PLCG2: variants seen among roughly 807,000 people sequenced by gnomAD.
The protein encoded by PLCG2 is phospholipase C gamma 2, also known as 1-phosphatidylinositol 4,5-bisphosphate phosphodiesterase gamma-2.
PLCG2 carries 69 observed loss-of-function variants against 175.6 expected under a neutral mutation model. The observed-to-expected ratio is 0.39, with a 90% CI of 0.32 to 0.48. The LOEUF is 0.48. Among genes scored for constraint, PLCG2 ranks in the 20% least tolerant of loss-of-function variants. The pLI is 0.91. For missense variants in PLCG2, 1,798 were observed against 1,650.9 expected (o/e 1.09, Z -1.54); for synonymous variants, 827 against 624.0 (o/e 1.33, Z -4.85).
At chr16:81,891,444 A>G (rs376880548) in intron 10 of PLCG2, 28 bp from the exon 11 acceptor site, 1 of 1,221,774 alleles carries the variant, frequency 8.2e-7, no homozygotes, top group Non-Finnish European at 1.2e-6. Flanking sequence ...CAACGTGATG[A>G]TTCGGTCTTC....
intron 1 of PLCG2, among the ~76,000 whole-genome samples, chr16:81,749,638 G>A (rs1056275017): frequency 1.3e-5 from 2 of 152,240 alleles, no homozygotes; most frequent in African/African-American, 2.4e-5. Flanking sequence ...ACAGGCGTGA[G>A]CCACTGTGCC....
chr16:81,856,935 C>G (rs1234653285), intron 3 of PLCG2, among the ~76,000 whole-genome samples: 2 of 152,128 alleles, frequency 1.3e-5, no homozygotes, highest in African/African-American at 2.4e-5. Flanking sequence ...AGGCCATGAG[C>G]TAAGGAATGT....
chr16:81,794,892 C>A (rs902786215), intron 2 of PLCG2, among the ~76,000 whole-genome samples: 2 of 152,210 alleles, frequency 1.3e-5, no homozygotes, highest in Admixed American at 6.5e-5. Context: ...GTGTCCTCCA[C>A]TTTGGAGCAT....
chr16:81,888,797 A>G (rs759970179), intron 9 of PLCG2, among the ~76,000 whole-genome samples: 1 of 152,236 alleles, frequency 6.6e-6, no homozygotes, highest in Non-Finnish European at 1.5e-5. Context: ...CTGGCAAACC[A>G]TGACCTATGG....
At chr16:81,892,546 T>C (rs1376199314) in intron 11 of PLCG2, among the ~76,000 whole-genome samples, 3 of 152,094 alleles carry the variant, frequency 2.0e-5, no homozygotes, top group East Asian at 1.9e-4. Context: ...CAGGGGGAAA[T>C]TGATTTCACA....
At chr16:81,950,498 C>A (rs965846532) in intron 31 of PLCG2, among the ~76,000 whole-genome samples, 1 of 152,082 alleles carries the variant, frequency 6.6e-6, no homozygotes, top group Non-Finnish European at 1.5e-5. Flanking sequence ...TATAAGAAAT[C>A]AGCAAAGACA....
rs1157472814 is a variant in PLCG2 at position 81,889,231 on chromosome 16, C to A, written c.825C>A (p.Asp275Glu). The A allele has an allele frequency of 6.2e-7, 1 of 1,606,706 alleles. No individual in the cohort carries two copies. The highest frequency in any genetic ancestry group is 8.5e-7 in the Non-Finnish European group (1 of 1,176,658). ...AGCGGATGACAAAGTTCATTGATGA[C>A]ACCATGCGTGAAACTGCTGAGCCTT... ...VRERMTKFID[D>E]TMRETAEPFL... Residue 275 changes from aspartate (D) to glutamate (E), a missense_variant, in exon 10 of 33, where the codon GAC becomes GAA. By Grantham distance (45) the Asp-to-Glu change is conservative (BLOSUM62 2). Coordinates refer to ENST00000564138, the MANE Select transcript of PLCG2 (RefSeq NM_002661.5).
intron 2 of PLCG2, among the ~76,000 whole-genome samples, chr16:81,805,761 TGTTTTGTTTTTTTTTTTTTTTG>T (rs1911980322): frequency 1.1e-5 from 1 of 94,408 alleles, no homozygotes; most frequent in African/African-American, 3.7e-5. Context: ...AGTAGTGTTT[TGTTTTGTTTTTTTTTTTTTTTG>T]TTTTTTTTTT....
intron 2 of PLCG2, among the ~76,000 whole-genome samples, chr16:81,787,644 A>G (rs1338184660): frequency 6.6e-6 from 1 of 151,702 alleles, no homozygotes; most frequent in East Asian, 1.9e-4. Flanking sequence ...GTATATTTAT[A>G]TAAATGTGCA....
Position 81,910,550 on chromosome 16 carries a change from C to G in PLCG2, c.1764C>G (p.Ile588Met). The change falls in exon 18 of 33, where the codon ATC becomes ATG. Residue 588 changes from isoleucine (I) to methionine (M), a missense_variant. Physicochemically the swap from Ile to Met is conservative, Grantham distance 10 (BLOSUM62 1). Coordinates refer to ENST00000564138, the MANE Select transcript of PLCG2 (RefSeq NM_002661.5). Reference sequence around the variant, plus strand: ...CAGGCCGGGTCCAGCACTGCCGGATCCGCTCCACCATGGAGGGCGGGACCC... The same window carrying G: ...CAGGCCGGGTCCAGCACTGCCGGATGCGCTCCACCATGGAGGGCGGGACCC... ...WRSGRVQHCRIRSTMEGGTLK... is the reference protein window; with the variant it reads ...WRSGRVQHCRMRSTMEGGTLK... 6.2e-7 allele frequency: 1 copy of G among 1,614,116 alleles called. No individual in the cohort carries two copies. The highest frequency in any genetic ancestry group is 8.5e-7 in the Non-Finnish European group (1 of 1,180,000).
At chr16:81,850,871 A>T (rs1906372412) in intron 2 of PLCG2, among the ~76,000 whole-genome samples, 1 of 152,210 alleles carries the variant, frequency 6.6e-6, no homozygotes, top group African/African-American at 2.4e-5. Flanking sequence ...CATGCGGGCA[A>T]TAGGGTTAAC....
At chr16:81,760,685 A>C (rs1384748760) in intron 2 of PLCG2, among the ~76,000 whole-genome samples, 1 of 150,490 alleles carries the variant, frequency 6.6e-6, no homozygotes, top group Admixed American at 6.6e-5. Flanking sequence ...TCAAGGTGGG[A>C]GGATCACTTG....
rs777145741 is a variant in PLCG2 at position 81,869,350 on chromosome 16, C to T, written c.564+52C>T. The stretch of plus-strand genomic sequence containing the variant: ...TTTTATGAATGCGGAGTGACTTAGC[C>T]TCTCTCATGAAGCCGTGGCTTGCCT... On this transcript the variant is annotated intron_variant, in intron 6 of 32. Transcript: ENST00000564138. The T allele has an allele frequency of 2.1e-5, 27 of 1,305,098 alleles. No individual in the cohort carries two copies. The African/African-American group carries it at 3.8e-4, about 18-fold the overall frequency. The allele number at this position is 1,305,098 out of a possible 1,614,324, so 80.8% of individuals were successfully genotyped here. A position where few individuals can be genotyped will look rare whatever the true frequency, so the allele number is the denominator to read the frequency against.
At chr16:81,855,170 G>A (rs1906620022) in intron 3 of PLCG2, among the ~76,000 whole-genome samples, 1 of 149,168 alleles carries the variant, frequency 6.7e-6, no homozygotes, top group South Asian at 2.1e-4. Context: ...TACAGTCTGG[G>A]TGACAGAGCA....
intron 7 of PLCG2, among the ~76,000 whole-genome samples, chr16:81,873,667 C>A (rs570739263): frequency 2.6e-5 from 4 of 152,020 alleles, no homozygotes; most frequent in Admixed American, 2.6e-4. Flanking sequence ...CAGTAGCTCA[C>A]GCCTGTAATC....
rs753305879 is a variant in PLCG2, at chr16:81,936,215, T to C, written c.2889T>C (p.Ala963=). Residue 963 remains alanine, a synonymous_variant, in exon 27 of 33, where the codon GCT becomes GCC. Transcript: ENST00000564138. ...REIRSFVETK[A]DSIIRQKPVD... ...TCCGCTCCTTTGTGGAGACGAAGGCTGACAGCATCATCAGACAGAAGCCCG... is the reference window on the plus strand; with the variant it reads ...TCCGCTCCTTTGTGGAGACGAAGGCCGACAGCATCATCAGACAGAAGCCCG... 1 of 1,614,178 alleles carries C rather than the reference T, an allele frequency of 6.2e-7. No individual in the cohort carries two copies. The highest frequency in any genetic ancestry group is 1.1e-5 in the South Asian group (1 of 91,066).
intron 19 of PLCG2, among the ~76,000 whole-genome samples, chr16:81,916,437 C>T (rs778663793): frequency 2.0e-5 from 3 of 151,972 alleles, no homozygotes; most frequent in Admixed American, 6.6e-5. Context: ...CCCATAGAAA[C>T]GATGCCTCTA....
Position 81,780,899 on chromosome 16 carries a change from C to T in PLCG2, c.-48+1475C>T, listed in dbSNP as rs576887121. On this transcript the variant is annotated intron_variant, in intron 1 of 32. Coordinates refer to ENST00000564138, the MANE Select transcript of PLCG2 (RefSeq NM_002661.5). ...AAAATTACCTGGGCGTGGTGGTGGC[C>T]GCCTGTAATCCCAGCTACCCAGGAG... is the stretch of plus-strand genomic sequence containing the variant. Among the ~76,000 whole-genome samples the T allele has an allele frequency of 4.2e-4, 64 of 152,138 alleles. No homozygotes were observed. The Middle Eastern group carries it at 0.014, about 32-fold the overall frequency.
At chr16:81,797,774 G>C (rs538860448) in intron 2 of PLCG2, among the ~76,000 whole-genome samples, 1 of 152,210 alleles carries the variant, frequency 6.6e-6, no homozygotes, top group Admixed American at 6.5e-5. Flanking sequence ...CTGGCACTTA[G>C]TGACTGTGTG....
Sources: gnomAD v4.1 joint callset for allele counts (sites outside exome capture counted in the v4.1 genomes callset) on GRCh38, gnomAD v4.1.1 for gene constraint, MANE v1.5 for transcripts, NCBI Gene and HGNC (gene_info 2026-07-23, HGNC 2026-07-21) for gene names.